SCRN3: variants seen among roughly 807,000 people sequenced by gnomAD.
SCRN3 encodes secernin-3.
SCRN3 carries 39 observed loss-of-function variants against 43.1 expected under a neutral mutation model. The ratio of observed to expected loss-of-function variants is 0.91; its 90% CI spans 0.70 to 1.18. The LOEUF is 1.18. SCRN3 is among the 50% of genes most tolerant of loss of function. The pLI is 0.00. For synonymous variants in SCRN3, 147 were observed against 163.1 expected, an observed-to-expected ratio of 0.90 and a Z score of 0.75; for missense variants, 484 against 498.0, an observed-to-expected ratio of 0.97 and a Z score of 0.27.
chr2:174,421,392 AAAT>A (rs775061263), intron 5 of SCRN3, among the ~76,000 whole-genome samples: 28 of 152,334 alleles, frequency 1.8e-4, no homozygotes, highest in African/African-American at 3.4e-4. Flanking sequence ...ACATTGTTGA[AAAT>A]AATAATAACT....
chr2:174,398,587 G>T (rs1432013658), intron 2 of SCRN3, 145 bp downstream of exon 2: 11 of 602,744 alleles, frequency 1.8e-5, no homozygotes, highest in Admixed American at 3.7e-5. Flanking sequence ...AATAAACTGT[G>T]ATCTTTTATT....
At chr2:174,399,843 AT>A (rs1559070076) in intron 2 of SCRN3, 78 bp from the exon 3 acceptor site, 11 of 1,088,634 alleles carry the variant, frequency 1.0e-5, no homozygotes, top group Non-Finnish European at 1.3e-5. Context: ...CTTCTGACTG[AT>A]TTTTTTAAAT....
intron 5 of SCRN3, among the ~76,000 whole-genome samples, chr2:174,414,429 A>G (rs188112870): frequency 6.6e-6 from 1 of 152,200 alleles, no homozygotes; most frequent in Non-Finnish European, 1.5e-5. Flanking sequence ...TTCTTTTTTT[A>G]CAGAAATGAT....
At chr2:174,401,614 C>T (rs1395590221) in intron 4 of SCRN3, among the ~76,000 whole-genome samples, 1 of 152,066 alleles carries the variant, frequency 6.6e-6, no homozygotes, top group African/African-American at 2.4e-5. Context: ...TGTGTTGATA[C>T]AATAGTAAAA....
At position 174,422,921 on chromosome 2, in the gene SCRN3, G is replaced by T. The variant is rs377145764; in HGVS notation, c.791G>T (p.Arg264Leu). ...ITFETMMEIL[R>L]DKPSGINMEG... ...TTTGAAACAATGATGGAAATTCTTCGAGATAAACCAAGTGGCATTAATATG... is the reference window on the plus strand; with the variant it reads ...TTTGAAACAATGATGGAAATTCTTCTAGATAAACCAAGTGGCATTAATATG... The change falls in exon 6 of 8, where the codon CGA (arginine) becomes CTA (leucine). Residue 264 changes from arginine (R) to leucine (L), a missense_variant. Transcript: ENST00000272732. The T allele has an allele frequency of 9.3e-6, 15 of 1,609,990 alleles. No individual in the cohort carries two copies. In the African/African-American group the frequency reaches 1.1e-4, roughly 11 times the overall value.
intron 4 of SCRN3, among the ~76,000 whole-genome samples, chr2:174,402,291 C>T (rs1685533322): frequency 6.6e-6 from 1 of 152,122 alleles, no homozygotes; most frequent in South Asian, 2.1e-4. Context: ...TTCATTGGGT[C>T]TCATTGTCTA....
intron 1 of SCRN3, chr2:174,396,112 T>G (rs1364870590): frequency 9.8e-7 from 1 of 1,015,410 alleles, no homozygotes; most frequent in Non-Finnish European, 1.3e-6. Flanking sequence ...GTAGTATGCT[T>G]GCGAGAATCC....
At chr2:174,411,398 G>GTAGTTTCTACGACTATTATGA (rs2105593712) in intron 5 of SCRN3, among the ~76,000 whole-genome samples, 1 of 152,290 alleles carries the variant, frequency 6.6e-6, no homozygotes, top group South Asian at 2.1e-4. Flanking sequence ...AGTTGAAGAT[G>GTAGTTTCTACGACTATTATGA]TAGTTTCTAC....
chr2:174,411,960 A>G (rs1021446046), intron 5 of SCRN3, among the ~76,000 whole-genome samples: 2 of 152,216 alleles, frequency 1.3e-5, no homozygotes, highest in Non-Finnish European at 2.9e-5. Flanking sequence ...TAATTAGAGT[A>G]TAGTTCATTA....
rs10197754 is a variant in SCRN3 at position 174,424,691 on chromosome 2, G to T, written c.1092+42G>T. 1,177 of 1,491,820 alleles carry T rather than the reference G, an allele frequency of 7.9e-4. 7 individuals are homozygous for T. The African/African-American group carries it at 0.014, about 18-fold the overall frequency. The allele number at this position is 1,491,820 out of a possible 1,614,324, so 92.4% of individuals were successfully genotyped here. ...TCTTTGTTATATCATTAAGTGTAAA[G>T]TTAGATTCAATCCGTATTTTGAACT... On this transcript the variant is annotated intron_variant, in intron 7 of 7. Coordinates refer to ENST00000272732, the MANE Select transcript of SCRN3 (RefSeq NM_024583.5).
chr2:174,403,563 CAT>C (rs1685578787), intron 4 of SCRN3, among the ~76,000 whole-genome samples: 1 of 152,106 alleles, frequency 6.6e-6, no homozygotes, highest in Non-Finnish European at 1.5e-5. Context: ...TATACAATAA[CAT>C]AGATGAATCT....
At chr2:174,399,319 A>C (rs1201101182) in intron 2 of SCRN3, among the ~76,000 whole-genome samples, 1 of 152,140 alleles carries the variant, frequency 6.6e-6, no homozygotes. Flanking sequence ...TGTCCTGTAA[A>C]CCAGTGGTTC....
chr2:174,399,072 C>T (rs1375238239), intron 2 of SCRN3, among the ~76,000 whole-genome samples: 1 of 152,110 alleles, frequency 6.6e-6, no homozygotes, highest in East Asian at 1.9e-4. Context: ...TTAAAGGATC[C>T]TTTAAAAACT....
chr2:174,427,190 A>G (rs1374830331), intron 7 of SCRN3, among the ~76,000 whole-genome samples: 1 of 152,182 alleles, frequency 6.6e-6, no homozygotes, highest in Non-Finnish European at 1.5e-5. Flanking sequence ...ATGGTGATTC[A>G]TCAACAATTT....
At chr2:174,424,684 G>C in intron 7 of SCRN3, 35 bp downstream of exon 7, 1 of 1,523,386 alleles carries the variant, frequency 6.6e-7, no homozygotes, top group South Asian at 1.2e-5. Flanking sequence ...ATATCATTAA[G>C]TGTAAAGTTA....
At position 174,398,394 on chromosome 2, in the gene SCRN3, G is replaced by C. The variant is rs1413575118; in HGVS notation, c.111G>C (p.Val37=). The C allele has an allele frequency of 6.9e-6, 11 of 1,605,284 alleles. No homozygotes were observed. The highest frequency in any genetic ancestry group is 9.3e-6 in the Non-Finnish European group (11 of 1,177,260). Residue 37 remains valine, a synonymous_variant, in exon 2 of 8, where the codon GTG becomes GTC. Transcript: ENST00000272732. ...SDRLYDEVQE[V]VYFPAVVHDN... is the part of the protein sequence containing the mutation. ...GACTCTATGATGAAGTACAAGAGGT[G>C]GTTTATTTTCCTGCTGTAGTTCATG...
At chr2:174,423,777 CTTTTTTTTT>C (rs67646903) in intron 6 of SCRN3, among the ~76,000 whole-genome samples, 1 of 95,856 alleles carries the variant, frequency 1.0e-5, no homozygotes, top group Non-Finnish European at 2.0e-5. Context: ...CCAAGTCTTC[CTTTTTTTTT>C]TTTTTTTTTT....
intron 4 of SCRN3, among the ~76,000 whole-genome samples, chr2:174,403,791 C>G (rs1012629450): frequency 1.1e-4 from 17 of 152,008 alleles, no homozygotes; most frequent in African/African-American, 3.4e-4. Context: ...ATAGCAATAC[C>G]AATATTCTGG....
intron 5 of SCRN3, among the ~76,000 whole-genome samples, chr2:174,412,211 C>A (rs1415165475): frequency 6.6e-6 from 1 of 151,974 alleles, no homozygotes; most frequent in Non-Finnish European, 1.5e-5. Flanking sequence ...TTTCATCCAG[C>A]CTTGTGTTAA....
Sources: allele counts gnomAD v4.1 joint callset (sites outside exome capture counted in the v4.1 genomes callset), GRCh38; gene constraint gnomAD v4.1.1; transcripts MANE v1.5; gene names NCBI Gene and HGNC (gene_info 2026-07-23, HGNC 2026-07-21).